The following GANAB variants were observed in gnomAD, a reference collection of about 807,000 sequenced individuals.
The protein encoded by GANAB is glucosidase II alpha subunit.
Under a neutral mutation model 129.9 loss-of-function variants are expected in GANAB, and 35 were observed. The observed-to-expected ratio is 0.27, with a 90% CI of 0.21 to 0.36. The LOEUF (loss-of-function observed/expected upper bound fraction) is 0.36, where lower values mean the gene tolerates loss of function less well. Among genes scored for constraint, GANAB ranks in the 10% least tolerant of loss-of-function variants. The pLI is 1.00. For missense variants in GANAB, 939 were observed against 1,221.0 expected, an observed-to-expected ratio of 0.77 and a Z score of 3.44; for synonymous variants, 482 against 451.8, an observed-to-expected ratio of 1.07 and a Z score of -0.85.
Position 62,626,946 on chromosome 11 carries a change from A to G in GANAB, c.2323-12T>C, listed in dbSNP as rs781689114. ...ATGTCATACCACACCTGTGAGTGAC[A>G]AAAGAGGTAAGATACCGGATCACTC... On this transcript the variant is annotated splice_polypyrimidine_tract_variant and intron_variant, in intron 19 of 23. Transcript: ENST00000356638. 1 of 1,605,522 alleles carries G rather than the reference A, an allele frequency of 6.2e-7. No homozygotes were observed. Among genetic ancestry groups the G allele is most frequent in the Non-Finnish European group, 8.5e-7 (1 of 1,172,140 alleles).
rs759986934 is a variant in GANAB at position 62,646,606 on chromosome 11, C to G, written c.-7G>C. 3.7e-6 allele frequency: 6 copies of G among 1,614,008 alleles called. No individual in the cohort carries two copies. The South Asian group carries it at 6.6e-5, about 18-fold the overall frequency. Reference sequence around the variant, plus strand: ...CTGCCGCTACCGCCGCCATCTTGTGCAGAGTTTGCTCCTTGACCCCAAACC... The same window carrying G: ...CTGCCGCTACCGCCGCCATCTTGTGGAGAGTTTGCTCCTTGACCCCAAACC... On this transcript the variant is annotated 5_prime_UTR_variant, in exon 1 of 24. Coordinates refer to ENST00000356638, the MANE Select transcript of GANAB (RefSeq NM_198334.3).
At chr11:62,640,239 A>AAAAAAAAAAAAAAG in intron 1 of GANAB, among the ~76,000 whole-genome samples, 1 of 118,792 alleles carries the variant, frequency 8.4e-6, no homozygotes, top group African/African-American at 3.2e-5. Context: ...AAAAAAAAAA[A>AAAAAAAAAAAAAAG]AAAAAAAAAA....
At chr11:62,633,557 G>A in intron 5 of GANAB, 43 bp from the exon 6 acceptor site, 2 of 1,548,960 alleles carry the variant, frequency 1.3e-6, no homozygotes. Flanking sequence ...AGAGGGGGCA[G>A]GGACGAGGGG....
intron 17 of GANAB, among the ~76,000 whole-genome samples, chr11:62,628,182 C>T (rs59151023): frequency 6.5e-4 from 98 of 150,206 alleles, no homozygotes; most frequent in African/African-American, 2.3e-3. Context: ...CAGGCCTCAT[C>T]TCACACAGCC....
At chr11:62,635,998 A>T (rs1012264334) in intron 4 of GANAB, among the ~76,000 whole-genome samples, 10 of 150,690 alleles carry the variant, frequency 6.6e-5, no homozygotes, top group Non-Finnish European at 8.9e-5. Flanking sequence ...GACTTAAAAA[A>T]TTTTTTTTTC....
intron 1 of GANAB, among the ~76,000 whole-genome samples, chr11:62,643,675 G>A (rs759286450): frequency 6.6e-6 from 1 of 152,088 alleles, no homozygotes; most frequent in Admixed American, 6.6e-5. Context: ...AATTAGCCAG[G>A]CGTAGTGGCA....
At chr11:62,632,901 A>T (rs1943754470) in intron 8 of GANAB, 104 bp downstream of exon 8, 1 of 973,784 alleles carries the variant, frequency 1.0e-6, no homozygotes, top group African/African-American at 1.6e-5. Flanking sequence ...GACACAAGAA[A>T]TGACCCATGC....
In GANAB at chr11:62,634,984, G is replaced by C. The variant is rs143483203; in HGVS notation, c.397C>G (p.Arg133Gly). ...PPIARLSVSG[R>G]DENSVELTMA... is the part of the protein sequence containing the mutation. ...GTTAACTCCACACTGTTCTCATCAC[G>C]ACCAGAGACAGAAAGCCTGGGAAAC... The change falls in exon 5 of 24, where the codon CGT becomes GGT. Residue 133 changes from arginine to glycine, a missense_variant. Around this residue, in one of 5 missense-constraint regions of GANAB, gnomAD observed 321 missense variants for 329.1 expected, o/e 0.98. Transcript: ENST00000356638. The C allele has an allele frequency of 1.9e-6, 3 of 1,611,074 alleles. No individual in the cohort carries two copies. Among genetic ancestry groups the C allele is most frequent in the Non-Finnish European group, 2.5e-6 (3 of 1,177,674 alleles).
rs2276295 is a variant in GANAB, at chr11:62,634,863, C to T, written c.518G>A (p.Arg173Gln). 9.6e-4 allele frequency: 1,554 copies of T among 1,614,124 alleles called. 18 individuals carry two copies. The East Asian group carries it at 0.028, about 29-fold the overall frequency. The change falls in exon 5 of 24, where the codon CGA (arginine) becomes CAA (glutamine). Residue 173 changes from arginine (R) to glutamine (Q), a missense_variant. Transcript: ENST00000356638. The part of the protein sequence containing the change: ...DRSLLLSVNA[R>Q]GLLEFEHQRA... ...CTGATGCTCAAACTCCAAGAGTCCTCGGGCATTGACACTAAGCAAAAGACT... is the reference window on the plus strand; with the variant it reads ...CTGATGCTCAAACTCCAAGAGTCCTTGGGCATTGACACTAAGCAAAAGACT...
intron 4 of GANAB, among the ~76,000 whole-genome samples, chr11:62,636,667 TAGCCGGGTATAGTG>T (rs1193279584): frequency 6.6e-6 from 1 of 152,008 alleles, no homozygotes; most frequent in Non-Finnish European, 1.5e-5. Flanking sequence ...ATACAAAAAG[TAGCCGGGTATAGTG>T]ACGCACGCCT....
intron 1 of GANAB, among the ~76,000 whole-genome samples, chr11:62,645,574 C>T (rs1944443239): frequency 6.6e-6 from 1 of 151,990 alleles, no homozygotes; most frequent in African/African-American, 2.4e-5. Flanking sequence ...GAGTTAAATA[C>T]CCTCTGGGGC....
chr11:62,643,763 C>T (rs1477748182), intron 1 of GANAB, among the ~76,000 whole-genome samples: 1 of 152,178 alleles, frequency 6.6e-6, no homozygotes, highest in Non-Finnish European at 1.5e-5. Context: ...TTGCAGTGAG[C>T]TGAGATCGCA....
chr11:62,641,081 C>T (rs1944234268), intron 1 of GANAB, among the ~76,000 whole-genome samples: 1 of 151,918 alleles, frequency 6.6e-6, no homozygotes, highest in Non-Finnish European at 1.5e-5. Context: ...GCTCATGTCA[C>T]GTCTGTAATC....
intron 1 of GANAB, among the ~76,000 whole-genome samples, chr11:62,645,318 C>T (rs528990139): frequency 1.3e-5 from 2 of 152,072 alleles, no homozygotes; most frequent in African/African-American, 2.4e-5. Flanking sequence ...GGGTGGATCA[C>T]GAGGTCAAGA....
intron 14 of GANAB, 29 bp downstream of exon 14, chr11:62,629,785 C>T (rs1169672807): frequency 6.2e-7 from 1 of 1,613,250 alleles, no homozygotes; most frequent in Non-Finnish European, 8.5e-7. Context: ...TTCCCTCTTT[C>T]CACCAACTCT....
chr11:62,639,416 G>C lies in GANAB; in HGVS notation c.195C>G (p.Asp65Glu). The change falls in exon 3 of 24, where the codon GAC becomes GAG. Residue 65 changes from aspartate (D) to glutamate (E), a missense_variant. By Grantham distance (45) the Asp-to-Glu change is conservative. Around this residue, in one of 5 missense-constraint regions of GANAB, gnomAD observed 321 missense variants for 329.1 expected, o/e 0.98. Coordinates refer to ENST00000356638, the MANE Select transcript of GANAB (RefSeq NM_198334.3). Reference sequence around the variant, plus strand: ...GGGAATCAGGACCAAGCTGTAGAGAGTCCAGCAAGGCTCGGTATGGAGAGA... The same window carrying C: ...GGGAATCAGGACCAAGCTGTAGAGACTCCAGCAAGGCTCGGTATGGAGAGA... ...PGLSPYRALL[D>E]SLQLGPDSLT... The C allele has an allele frequency of 6.2e-7, 1 of 1,613,662 alleles. No individual in the cohort carries two copies. Among genetic ancestry groups the C allele is most frequent in the Non-Finnish European group, 8.5e-7 (1 of 1,179,734 alleles).
intron 4 of GANAB, among the ~76,000 whole-genome samples, chr11:62,636,894 T>A (rs944118681): frequency 1.3e-5 from 2 of 152,018 alleles, no homozygotes; most frequent in African/African-American, 4.8e-5. Flanking sequence ...ACTACTGCAC[T>A]CAGCCTAAGC....
chr11:62,639,440 G>A lies in GANAB; in HGVS notation c.171C>T (p.Leu57=). Residue 57 remains leucine, a synonymous_variant, in exon 3 of 24, where the codon CTC becomes CTT. Transcript: ENST00000356638. ...CKRQRSIRPG[L]SPYRALLDSL... ...AGTCCAGCAAGGCTCGGTATGGAGAGAGGCCTGGCCGTATGCTTCTCTGTC... is the reference window on the plus strand; with the variant it reads ...AGTCCAGCAAGGCTCGGTATGGAGAAAGGCCTGGCCGTATGCTTCTCTGTC... 6.2e-7 allele frequency: 1 copy of A among 1,613,846 alleles called. No homozygotes were observed. Among genetic ancestry groups the A allele is most frequent in the Non-Finnish European group, 8.5e-7 (1 of 1,179,800 alleles).
chr11:62,632,953 C>T (rs1943757825), intron 8 of GANAB, 52 bp downstream of exon 8: 1 of 1,141,814 alleles, frequency 8.8e-7, no homozygotes, highest in East Asian at 2.3e-5. Flanking sequence ...TCCCTAAAGG[C>T]CTGACTCCTT....
Sources: gnomAD v4.1 joint callset for allele counts (sites outside exome capture counted in the v4.1 genomes callset) on GRCh38, gnomAD v4.1.1 for gene constraint, gnomAD v4.1.1 regional missense constraint, MANE v1.5 for transcripts, NCBI Gene and HGNC (gene_info 2026-07-23, HGNC 2026-07-21) for gene names.